The following MYO16 variants were observed in gnomAD, a reference collection of about 807,000 sequenced individuals.
MYO16 encodes the protein unconventional myosin-XVI.
Under a neutral mutation model 205.3 loss-of-function variants are expected in MYO16, and 94 were observed. That is an observed-to-expected ratio of 0.46 (90% CI 0.39 to 0.54). MYO16 has a LOEUF of 0.54. Among genes scored for constraint, MYO16 ranks in the 20% least tolerant of loss-of-function variants. MYO16 has a pLI of 0.00. For synonymous variants in MYO16, 988 were observed against 954.0 expected, an observed-to-expected ratio of 1.04 and a Z score of -0.66; for missense variants, 2,315 against 2,387.5, an observed-to-expected ratio of 0.97 and a Z score of 0.63.
intron 21 of MYO16, among the ~76,000 whole-genome samples, chr13:109,006,210 T>A (rs1221526875): frequency 2.6e-5 from 4 of 152,158 alleles, no homozygotes; most frequent in Admixed American, 6.5e-5. Flanking sequence ...TTCTTTCTTT[T>A]CTGGGCTCTT....
chr13:108,858,384 A>C (rs754901018), intron 11 of MYO16, among the ~76,000 whole-genome samples: 5 of 152,222 alleles, frequency 3.3e-5, no homozygotes, highest in Non-Finnish European at 5.9e-5. Flanking sequence ...TCAAAATTCA[A>C]ATACCCGAAT....
In MYO16 at chr13:108,945,331, A is replaced by G. The variant is rs113315452; in HGVS notation, c.1926-12357A>G. On this transcript the variant is annotated intron_variant, in intron 16 of 34. Transcript: ENST00000457511. ...TTTCTTTAATGTAGAAGTGATTGTG[A>G]CCTGAAAGCACAATTCATGGCCAGG... Among the ~76,000 whole-genome samples the G allele has an allele frequency of 6.0e-3, 913 of 152,246 alleles. 8 individuals carry two copies. Among genetic ancestry groups the G allele is most frequent in the African/African-American group, 0.02 (818 of 41,526 alleles).
chr13:108,593,700 C>T (rs1225090132), upstream of MYO16, among the ~76,000 whole-genome samples: 1 of 152,160 alleles, frequency 6.6e-6, no homozygotes, highest in Non-Finnish European at 1.5e-5. Context: ...TTTTTCAGAG[C>T]TTCACCCATG....
chr13:109,101,981 C>T (rs975680058), intron 28 of MYO16: 1 of 152,122 alleles, frequency 6.6e-6, no homozygotes, highest in Admixed American at 6.5e-5. Context: ...GATTGACACT[C>T]GCACACTCAT....
At chr13:108,966,991 G>T (rs867828860) in intron 20 of MYO16, among the ~76,000 whole-genome samples, 23 of 152,106 alleles carry the variant, frequency 1.5e-4, no homozygotes, top group Middle Eastern at 6.9e-3. Flanking sequence ...AAGTTGTAGA[G>T]CACATTGATT....
chr13:108,700,464 T>C (rs1594220003), intron 2 of MYO16, among the ~76,000 whole-genome samples: 1 of 152,088 alleles, frequency 6.6e-6, no homozygotes, highest in Non-Finnish European at 1.5e-5. Context: ...TCCCCGGCTC[T>C]ATAATAGCCC....
At chr13:108,865,520 C>CTT (rs146861727) in intron 11 of MYO16, among the ~76,000 whole-genome samples, 1 of 150,250 alleles carries the variant, frequency 6.7e-6, no homozygotes, top group African/African-American at 2.4e-5. Context: ...ATCCTTTTCC[C>CTT]TTTTTTTTTA....
chr13:109,039,263 C>T (rs1310907972), intron 23 of MYO16, among the ~76,000 whole-genome samples: 1 of 152,184 alleles, frequency 6.6e-6, no homozygotes, highest in Non-Finnish European at 1.5e-5. Context: ...GAAACTTCAA[C>T]ACCCTCCTCT....
intron 14 of MYO16, among the ~76,000 whole-genome samples, chr13:108,889,532 G>A (rs1452126716): frequency 6.6e-6 from 1 of 152,178 alleles, no homozygotes; most frequent in African/African-American, 2.4e-5. Flanking sequence ...GGAAGGAATG[G>A]CTAACAGTGG....
intron 16 of MYO16, among the ~76,000 whole-genome samples, chr13:108,931,025 A>T (rs1021538429): frequency 6.6e-6 from 1 of 152,228 alleles, no homozygotes; most frequent in African/African-American, 2.4e-5. Flanking sequence ...TCCCAGAGAA[A>T]CTGCAGTCAT....
Position 109,021,814 on chromosome 13 carries a change from C to G in MYO16, c.2796+1903C>G, listed in dbSNP as rs77792932. Reference sequence around the variant, plus strand: ...TTGTCCTCTTAACACTGTTAACTCACGAAGTATTTTTAGACAAAGTAGGAA... The same window carrying G: ...TTGTCCTCTTAACACTGTTAACTCAGGAAGTATTTTTAGACAAAGTAGGAA... On this transcript the variant is annotated intron_variant, in intron 23 of 34. Coordinates refer to ENST00000457511, the MANE Select transcript of MYO16 (RefSeq NM_001198950.3). Among the ~76,000 whole-genome samples the G allele has an allele frequency of 5.9e-3, 895 of 151,662 alleles. 6 individuals carry two copies. The highest frequency in any genetic ancestry group is 0.015 in the South Asian group (70 of 4,806).
intron 10 of MYO16, among the ~76,000 whole-genome samples, chr13:108,849,392 C>A (rs1032064117): frequency 1.3e-5 from 2 of 151,950 alleles, no homozygotes; most frequent in African/African-American, 2.4e-5. Context: ...GGTTTCACCA[C>A]GTTAGTCAGG....
intron 9 of MYO16, among the ~76,000 whole-genome samples, chr13:108,839,745 A>G (rs1594334529): frequency 6.6e-6 from 1 of 152,122 alleles, no homozygotes; most frequent in African/African-American, 2.4e-5. Context: ...TCCTCACTAC[A>G]TGGAACAGAA....
At chr13:108,724,394 A>T (rs1884268263) in intron 3 of MYO16, among the ~76,000 whole-genome samples, 1 of 152,160 alleles carries the variant, frequency 6.6e-6, no homozygotes, top group Non-Finnish European at 1.5e-5. Context: ...TTTCAGTGGA[A>T]GGGGTGGAAG....
chr13:109,052,323 C>T lies in MYO16; in HGVS notation c.2896C>T (p.His966Tyr), dbSNP rs2139605330. ...AGCTAGTGAAAATGTCGTGATCAAT[C>T]ATTTGTTCCAGTCGAAATTGTCACA... is the stretch of plus-strand genomic sequence containing the variant. The part of the protein sequence containing the change: ...MKTSENVVIN[H>Y]LFQSKLSQTG... The change falls in exon 25 of 35, where the codon CAT becomes TAT. Residue 966 changes from histidine to tyrosine, a missense_variant. His to Tyr is a moderately conservative substitution (Grantham distance 83). Transcript: ENST00000457511. 16 of 1,612,888 alleles carry T rather than the reference C, an allele frequency of 9.9e-6. No individual in the cohort carries two copies. The highest frequency in any genetic ancestry group is 1.3e-5 in the African/African-American group (1 of 74,986).
intron 27 of MYO16, among the ~76,000 whole-genome samples, chr13:109,069,951 A>T (rs1887875781): frequency 6.6e-6 from 1 of 152,156 alleles, no homozygotes; most frequent in African/African-American, 2.4e-5. Flanking sequence ...TCCAGTGAAT[A>T]AATAGCAGGC....
the MYO16 span, among the ~76,000 whole-genome samples, chr13:108,553,807 C>T: frequency 6.6e-6 from 1 of 152,170 alleles, no homozygotes; most frequent in Non-Finnish European, 1.5e-5. Context: ...CTTAGCACAG[C>T]CTTCTCAGCT....
the MYO16 span, among the ~76,000 whole-genome samples, chr13:108,547,271 C>CAA: frequency 0.055 from 5,104 of 92,220 alleles, 337 homozygotes; most frequent in African/African-American, 0.17. Flanking sequence ...GACTCTGTCT[C>CAA]AAAAAAAAAA....
chr13:108,983,200 A>G (rs1884507291), intron 20 of MYO16, among the ~76,000 whole-genome samples: 2 of 152,170 alleles, frequency 1.3e-5, no homozygotes, highest in Admixed American at 1.3e-4. Context: ...CTGGAAACAA[A>G]TACCATCTGT....
Sources: allele counts gnomAD v4.1 joint callset (sites outside exome capture counted in the v4.1 genomes callset), GRCh38; gene constraint gnomAD v4.1.1; transcripts MANE v1.5; gene names NCBI Gene and HGNC (gene_info 2026-07-23, HGNC 2026-07-21).